SDK1: variants seen among roughly 807,000 people sequenced by gnomAD.
SDK1 encodes the protein sidekick cell adhesion molecule 1.
A neutral mutation model predicts 245.5 loss-of-function variants in SDK1; 157 were observed. The ratio of observed to expected loss-of-function variants is 0.64; its 90% CI spans 0.56 to 0.73. The LOEUF (loss-of-function observed/expected upper bound fraction) is 0.73, where lower values mean the gene tolerates loss of function less well. SDK1 is among the 30% of genes least tolerant of loss of function. The pLI is 0.00. For missense variants in SDK1, 3,583 were observed against 3,002.3 expected (o/e 1.19, Z -4.52); for synonymous variants, 1,647 against 1,278.5 (o/e 1.29, Z -6.15).
At chr7:3,745,290 A>G (rs1779585708) in intron 4 of SDK1, among the ~76,000 whole-genome samples, 1 of 152,204 alleles carries the variant, frequency 6.6e-6, no homozygotes, top group African/African-American at 2.4e-5. Context: ...AAGCATTGCT[A>G]TTAAATGTCT....
chr7:3,966,920 A>C (rs771229541), intron 9 of SDK1, among the ~76,000 whole-genome samples: 1 of 152,108 alleles, frequency 6.6e-6, no homozygotes, highest in Non-Finnish European at 1.5e-5. Flanking sequence ...TCCTGAACTC[A>C]AGCAGTCCTC....
chr7:3,923,015 T>C (rs909061150), intron 5 of SDK1, among the ~76,000 whole-genome samples: 2 of 152,252 alleles, frequency 1.3e-5, no homozygotes, highest in African/African-American at 4.8e-5. Context: ...GATTTGATTG[T>C]ATGCACTATC....
chr7:3,495,405 T>C (rs1272176860), intron 1 of SDK1, among the ~76,000 whole-genome samples: 1 of 151,844 alleles, frequency 6.6e-6, no homozygotes, highest in Non-Finnish European at 1.5e-5. Context: ...TTACAGCCTG[T>C]GTGACGCCAC....
intron 17 of SDK1, among the ~76,000 whole-genome samples, chr7:4,032,472 A>G (rs759920463): frequency 3.3e-5 from 5 of 152,224 alleles, no homozygotes; most frequent in Non-Finnish European, 7.3e-5. Flanking sequence ...TCTGCTCTTT[A>G]ATATTGAAAT....
At chr7:3,666,773 A>G (rs1001328525) in intron 4 of SDK1, among the ~76,000 whole-genome samples, 2 of 152,210 alleles carry the variant, frequency 1.3e-5, no homozygotes, top group Non-Finnish European at 2.9e-5. Flanking sequence ...CAAAGGAGAG[A>G]CATCCTTTAA....
chr7:3,887,730 A>G (rs978391850), intron 5 of SDK1, among the ~76,000 whole-genome samples: 3 of 152,002 alleles, frequency 2.0e-5, no homozygotes, highest in Non-Finnish European at 4.4e-5. Context: ...TTTCTTTTCT[A>G]CCTCTCCAAG....
chr7:3,717,773 T>G (rs1785245049), intron 4 of SDK1, among the ~76,000 whole-genome samples: 1 of 152,184 alleles, frequency 6.6e-6, no homozygotes, highest in African/African-American at 2.4e-5. Context: ...TAATTTGCAG[T>G]TAAACCCTCC....
chr7:3,765,691 A>G (rs1348608239), intron 4 of SDK1, among the ~76,000 whole-genome samples: 1 of 152,196 alleles, frequency 6.6e-6, no homozygotes, highest in Non-Finnish European at 1.5e-5. Flanking sequence ...CAGCCATCAG[A>G]ATTTACATAT....
At chr7:3,523,094 A>C (rs1270979288) in intron 1 of SDK1, among the ~76,000 whole-genome samples, 1 of 152,236 alleles carries the variant, frequency 6.6e-6, no homozygotes, top group African/African-American at 2.4e-5. Context: ...AATGTAAAAA[A>C]TTTAGATATT....
intron 1 of SDK1, among the ~76,000 whole-genome samples, chr7:3,446,832 T>G (rs1003312960): frequency 6.6e-6 from 1 of 152,224 alleles, no homozygotes; most frequent in Non-Finnish European, 1.5e-5. Flanking sequence ...CAAGTGGGTT[T>G]GCTTTGAGAT....
At chr7:4,220,693 A>G (rs1785101284) in intron 39 of SDK1, among the ~76,000 whole-genome samples, 1 of 152,126 alleles carries the variant, frequency 6.6e-6, no homozygotes, top group East Asian at 1.9e-4. Context: ...ACCGGCATTC[A>G]GGGAGTGCTG....
Position 4,110,623 on chromosome 7 carries a change from A to G in SDK1, c.3325-40A>G, listed in dbSNP as rs761403212. The G allele has an allele frequency of 3.5e-6, 5 of 1,412,740 alleles. No individual in the cohort carries two copies. The South Asian group carries it at 4.6e-5, about 13-fold the overall frequency. The allele number at this position is 1,412,740 out of a possible 1,614,324, so 87.5% of individuals were successfully genotyped here. ...GGTCTACATGGCAGCCTCAGTCCCT[A>G]AGGCATGTCCAGCCCATCTCAGTGT... On this transcript the variant is annotated intron_variant, in intron 22 of 44. Coordinates refer to ENST00000404826, the MANE Select transcript of SDK1 (RefSeq NM_152744.4).
At chr7:3,807,186 A>G (rs1438224790) in intron 4 of SDK1, among the ~76,000 whole-genome samples, 2 of 152,338 alleles carry the variant, frequency 1.3e-5, no homozygotes, top group East Asian at 3.9e-4. Flanking sequence ...TCATGGACGG[A>G]ACCCAGGGCT....
In SDK1 at chr7:3,540,907, G is replaced by T. The variant is rs542757604; in HGVS notation, c.299-78173G>T. Among the ~76,000 whole-genome samples, 4 of 152,300 alleles carry T rather than the reference G, an allele frequency of 2.6e-5. No homozygotes were observed. In the East Asian group the frequency reaches 7.7e-4, roughly 29 times the overall value. On this transcript the variant is annotated intron_variant, in intron 1 of 44. Transcript: ENST00000404826. ...CTATTTTTATATCTTCACCATGATAGGGTGGACCTTCGTCTTGTCTTTTGG... is the reference window on the plus strand; with the variant it reads ...CTATTTTTATATCTTCACCATGATATGGTGGACCTTCGTCTTGTCTTTTGG...
intron 22 of SDK1, among the ~76,000 whole-genome samples, chr7:4,080,485 C>A (rs867348195): frequency 2.6e-5 from 4 of 152,230 alleles, no homozygotes; most frequent in Middle Eastern, 6.8e-3. Context: ...TGCTATACTG[C>A]AAGACGATCC....
In SDK1 at chr7:3,301,463, G is replaced by A. The variant is rs981052521; in HGVS notation, c.-124G>A. The A allele has an allele frequency of 3.5e-3, 718 of 202,992 alleles. 7 individuals carry two copies. Among genetic ancestry groups the A allele is most frequent in the African/African-American group, 0.016 (687 of 41,808 alleles). 12.6% of individuals were successfully genotyped at this position (202,992 alleles called of 1,614,324 possible). A position where few individuals can be genotyped will look rare whatever the true frequency, so the allele number is the denominator to read the frequency against. On this transcript the variant is annotated 5_prime_UTR_variant, in exon 1 of 45. Coordinates refer to ENST00000404826, the MANE Select transcript of SDK1 (RefSeq NM_152744.4). ...GGACGCCGCCCCTCAGCGCTGGGCGGCCGCTCACCTCGGGCCGGGGGGCGC... is the reference window on the plus strand; with the variant it reads ...GGACGCCGCCCCTCAGCGCTGGGCGACCGCTCACCTCGGGCCGGGGGGCGC...
chr7:3,308,787 T>A (rs1210740534), intron 1 of SDK1, among the ~76,000 whole-genome samples: 1 of 152,112 alleles, frequency 6.6e-6, no homozygotes, highest in Non-Finnish European at 1.5e-5. Context: ...TCTATAACTC[T>A]CCATGGTATT....
chr7:3,645,646 C>A (rs1782811283), intron 4 of SDK1, among the ~76,000 whole-genome samples: 1 of 151,982 alleles, frequency 6.6e-6, no homozygotes, highest in Non-Finnish European at 1.5e-5. Flanking sequence ...TGCGAAAACC[C>A]AATATATTGC....
chr7:3,875,788 T>C (rs1159763006), intron 5 of SDK1, among the ~76,000 whole-genome samples: 1 of 152,170 alleles, frequency 6.6e-6, no homozygotes, highest in African/African-American at 2.4e-5. Context: ...GTTAGACTCT[T>C]TGTGGATACC....
Sources: allele counts gnomAD v4.1 joint callset (sites outside exome capture counted in the v4.1 genomes callset), GRCh38; gene constraint gnomAD v4.1.1; transcripts MANE v1.5; gene names NCBI Gene and HGNC (gene_info 2026-07-23, HGNC 2026-07-21).